FAM72C: variants seen among roughly 807,000 people sequenced by gnomAD.
The protein encoded by FAM72C is protein FAM72C.
A neutral mutation model predicts 5.2 loss-of-function variants in FAM72C; 1 was observed. The observed-to-expected ratio is 0.19, with a 90% CI of 0.07 to 0.91. The LOEUF is 0.91. Ranked by LOEUF, FAM72C falls within the 40% of genes least tolerant of loss-of-function variation. FAM72C has a pLI of 0.66. For synonymous variants in FAM72C, 1 was observed against 21.8 expected, an observed-to-expected ratio of 0.05 and a Z score of 2.66; for missense variants, 4 against 66.0, an observed-to-expected ratio of 0.06 and a Z score of 3.25.
intron 3 of FAM72C, among the ~76,000 whole-genome samples, chr1:143,957,905 AC>A (rs1661485698): frequency 5.2e-5 from 1 of 19,390 alleles, no homozygotes. Context: ...GATGTGAGCC[AC>A]CACACTTGGC....
chr1:143,966,763 C>A (rs1385160562), intron 2 of FAM72C, among the ~76,000 whole-genome samples: 1 of 146,308 alleles, frequency 6.8e-6, no homozygotes, highest in Non-Finnish European at 1.5e-5. Context: ...TGCGGTGGCT[C>A]ATGCCTGTAA....
At chr1:143,961,101 C>G (rs1329953244) in intron 3 of FAM72C, among the ~76,000 whole-genome samples, 1 of 138,168 alleles carries the variant, frequency 7.2e-6, no homozygotes, top group Non-Finnish European at 1.6e-5. Flanking sequence ...TATTGTACAC[C>G]ATAGATACTG....
At chr1:143,960,643 C>T (rs1160136342) in intron 3 of FAM72C, among the ~76,000 whole-genome samples, 1 of 130,938 alleles carries the variant, frequency 7.6e-6, no homozygotes, top group African/African-American at 2.8e-5. Context: ...ATCGCTTGAA[C>T]CCGGGAGGCA....
At chr1:143,967,049 C>T (rs1409736842) in intron 2 of FAM72C, among the ~76,000 whole-genome samples, 5 of 136,278 alleles carry the variant, frequency 3.7e-5, no homozygotes, top group African/African-American at 5.5e-5. Context: ...AAAAAAATGT[C>T]GTTGCCCAGG....
intron 2 of FAM72C, among the ~76,000 whole-genome samples, chr1:143,966,008 T>C (rs2101704075): frequency 9.8e-6 from 1 of 101,892 alleles, no homozygotes; most frequent in East Asian, 3.0e-4. Context: ...GAACTGTTTA[T>C]ACCTTGAGTT....
At chr1:143,963,607 G>A (rs1402462725) in intron 3 of FAM72C, among the ~76,000 whole-genome samples, 2 of 142,058 alleles carry the variant, frequency 1.4e-5, no homozygotes, top group Non-Finnish European at 3.1e-5. Flanking sequence ...ACATGCTACA[G>A]AGAAATCTTT....
intron 3 of FAM72C, among the ~76,000 whole-genome samples, chr1:143,961,962 A>G (rs1236503411): frequency 6.8e-6 from 1 of 147,038 alleles, no homozygotes; most frequent in Non-Finnish European, 1.5e-5. Flanking sequence ...CAGAAGATCT[A>G]GCTAAGATTA....
chr1:143,965,795 T>G (rs1661757829), intron 2 of FAM72C, among the ~76,000 whole-genome samples: 1 of 79,286 alleles, frequency 1.3e-5, no homozygotes, highest in Admixed American at 1.4e-4. Flanking sequence ...TCAGTGTTTT[T>G]GAAGGAACTC....
rs1351849652 is a variant in FAM72C at position 143,960,628 on chromosome 1, C to T, written c.356-4147G>A. 2.2e-3 allele frequency among the ~76,000 whole-genome samples: 271 copies of T among 124,212 alleles called. 17 individuals are homozygous for T. The highest frequency in any genetic ancestry group is 7.5e-3 in the Admixed American group (88 of 11,774). 81.5% of individuals were successfully genotyped at this position (124,212 alleles called of 152,430 possible). Reference sequence around the variant, plus strand: ...TCTCGCTACTCGGGAGGCTGAGGCACGAGAATCGCTTGAACCCGGGAGGCA... The same window carrying T: ...TCTCGCTACTCGGGAGGCTGAGGCATGAGAATCGCTTGAACCCGGGAGGCA... On this transcript the variant is annotated intron_variant, in intron 3 of 3. Coordinates refer to ENST00000584486, the MANE Select transcript of FAM72C (RefSeq NM_001287385.2).
intron 3 of FAM72C, among the ~76,000 whole-genome samples, chr1:143,959,201 G>A (rs1661527604): frequency 7.3e-6 from 1 of 137,116 alleles, no homozygotes; most frequent in East Asian, 2.1e-4. Context: ...AGAATGCGGG[G>A]CTTTTATCTT....
chr1:143,967,054 C>T (rs1349468684), intron 2 of FAM72C, among the ~76,000 whole-genome samples: 1 of 133,610 alleles, frequency 7.5e-6, no homozygotes, highest in Non-Finnish European at 1.6e-5. Flanking sequence ...AATGTCGTTG[C>T]CCAGGTGCGG....
At position 143,966,960 on chromosome 1, in the gene FAM72C, G is replaced by A. The variant is rs1209394360; in HGVS notation, c.230+1964C>T. Among the ~76,000 whole-genome samples the A allele has an allele frequency of 3.5e-5, 5 of 144,134 alleles. 1 individual carries two copies. Among genetic ancestry groups the A allele is most frequent in the Admixed American group, 1.4e-4 (2 of 14,426 alleles). 94.6% of individuals were successfully genotyped at this position (144,134 alleles called of 152,430 possible). ...AGAGAATCACTTGAACCCAGAAGACGGAGGTTGCAGTGAGCCAAGATCATG... is the reference window on the plus strand; with the variant it reads ...AGAGAATCACTTGAACCCAGAAGACAGAGGTTGCAGTGAGCCAAGATCATG... On this transcript the variant is annotated intron_variant, in intron 2 of 3. Coordinates refer to ENST00000584486, the MANE Select transcript of FAM72C (RefSeq NM_001287385.2).
rs1661448693 is a variant in FAM72C, at chr1:143,955,520, C to T, written c.*867G>A. 2.1e-5 allele frequency: 3 copies of T among 143,806 alleles called. 1 individual carries two copies. The highest frequency in any genetic ancestry group is 4.6e-5 in the Non-Finnish European group (3 of 65,522). The allele number at this position is 143,806 out of a possible 1,614,324, so 8.9% of individuals were successfully genotyped here. On this transcript the variant is annotated 3_prime_UTR_variant, in exon 4 of 4. Transcript: ENST00000584486. ...CCTACTTTCCTATTCCTTTGTGGCT[C>T]TGAATGCAGCTTTAAAAAAAACAAA...
chr1:143,959,060 T>C (rs1169495854), intron 3 of FAM72C, among the ~76,000 whole-genome samples: 6 of 132,894 alleles, frequency 4.5e-5, no homozygotes, highest in African/African-American at 1.8e-4. Context: ...TCAGCACAAT[T>C]GGTTCAAAGG....
chr1:143,962,213 C>T (rs1661662190), intron 3 of FAM72C, among the ~76,000 whole-genome samples: 1 of 143,324 alleles, frequency 7.0e-6, no homozygotes, highest in Non-Finnish European at 1.5e-5. Flanking sequence ...GGGGTTTCTC[C>T]ATGTTGGTCA....
chr1:143,967,474 T>A (rs1661807679), intron 2 of FAM72C, among the ~76,000 whole-genome samples: 1 of 137,128 alleles, frequency 7.3e-6, no homozygotes, highest in African/African-American at 2.7e-5. Context: ...CAAAACTCCG[T>A]CTTAAAAAAA....
At chr1:143,967,419 A>G (rs1661806350) in intron 2 of FAM72C, among the ~76,000 whole-genome samples, 1 of 143,296 alleles carries the variant, frequency 7.0e-6, no homozygotes, top group African/African-American at 2.6e-5. Context: ...CAGAGGTTGC[A>G]GTAAGCTGAG....
chr1:143,960,048 G>C lies in FAM72C; in HGVS notation c.356-3567C>G. On this transcript the variant is annotated intron_variant, in intron 3 of 3. Coordinates refer to ENST00000584486, the MANE Select transcript of FAM72C (RefSeq NM_001287385.2). ...AATAGATGTTAGACATGGAGAACAT[G>C]TGTCTTATAACAAAACTCAATGGCT... Among the ~76,000 whole-genome samples the C allele has an allele frequency of 3.2e-5, 4 of 123,308 alleles. 1 individual carries two copies. In the East Asian group the frequency reaches 9.5e-4, roughly 29 times the overall value. The allele number at this position is 123,308 out of a possible 152,430, so 80.9% of individuals were successfully genotyped here.
At chr1:143,958,244 AT>A (rs1463988762) in intron 3 of FAM72C, among the ~76,000 whole-genome samples, 2 of 143,608 alleles carry the variant, frequency 1.4e-5, no homozygotes, top group Non-Finnish European at 3.1e-5. Context: ...ACTTGTGTAG[AT>A]TTCGTTCATT....
Sources: allele counts gnomAD v4.1 joint callset (sites outside exome capture counted in the v4.1 genomes callset), GRCh38; gene constraint gnomAD v4.1.1; transcripts MANE v1.5; gene names NCBI Gene and HGNC (gene_info 2026-07-23, HGNC 2026-07-21).